The following MYH1 variants were observed in gnomAD, a reference collection of about 807,000 sequenced individuals.
MYH1 encodes myosin heavy chain 1, also known as myosin-1.
A neutral mutation model predicts 225.6 loss-of-function variants in MYH1; 214 were observed. The ratio of observed to expected loss-of-function variants is 0.95; its 90% confidence interval spans 0.85 to 1.06. MYH1 has a LOEUF of 1.06. MYH1 is among the 50% of genes least tolerant of loss of function. The pLI is 0.00. For missense variants in MYH1, 2,098 were observed against 2,344.2 expected, an observed-to-expected ratio of 0.89 and a Z score of 2.17; for synonymous variants, 774 against 842.3, an observed-to-expected ratio of 0.92 and a Z score of 1.40.
Position 10,495,111 on chromosome 17 carries a change from A to G in MYH1, c.5296-10T>C, listed in dbSNP as rs1031932648. ...CAGCCATCATGGCAGCCTAATTAGC[A>G]GTAAAACAGAATGGGTTAAGACAGC... On this transcript the variant is annotated splice_polypyrimidine_tract_variant and intron_variant, in intron 36 of 39. Coordinates refer to ENST00000226207, the MANE Select transcript of MYH1 (RefSeq NM_005963.4). 4.3e-6 allele frequency: 7 copies of G among 1,614,106 alleles called. No individual in the cohort carries two copies. The highest frequency in any genetic ancestry group is 8.5e-7 in the Non-Finnish European group (1 of 1,180,042).
rs1238509406 is a variant in MYH1 at position 10,500,663 on chromosome 17, G to A, written c.3828C>T (p.Asp1276=). 1.9e-6 allele frequency: 3 copies of A among 1,613,832 alleles called. No individual in the cohort carries two copies. Among genetic ancestry groups the A allele is most frequent in the Non-Finnish European group, 2.5e-6 (3 of 1,180,018 alleles). Residue 1276 remains aspartate (D), a synonymous_variant, in exon 28 of 40, where the codon GAC becomes GAT. Transcript: ENST00000226207. Reference sequence around the variant, plus strand: ...GCAGGCGCGCTCTCTGTGCTGTGAGGTCATTGATCAGCCGCTGCTGCTCCT... The same window carrying A: ...GCAGGCGCGCTCTCTGTGCTGTGAGATCATTGATCAGCCGCTGCTGCTCCT... ...KEEEQQRLIN[D]LTAQRARLQT...
chr17:10,502,937 T>C (rs879511198), intron 23 of MYH1, 23 bp from the exon 24 acceptor site: 3 of 1,614,186 alleles, frequency 1.9e-6, no homozygotes, highest in Non-Finnish European at 1.7e-6. Context: ...AGAAAGCAGC[T>C]TAGTTGCTCT....
At chr17:10,515,779 A>T in intron 5 of MYH1, 147 bp downstream of exon 5, 1 of 1,338,372 alleles carries the variant, frequency 7.5e-7, no homozygotes, top group Non-Finnish European at 1.0e-6. Flanking sequence ...GAGCTTTGAC[A>T]GTATATACTT....
intron 19 of MYH1, 100 bp from the exon 20 acceptor site, chr17:10,505,611 A>C: frequency 6.9e-7 from 1 of 1,457,976 alleles, no homozygotes; most frequent in East Asian, 2.4e-5. Flanking sequence ...AATCTGAAAT[A>C]AACAAGAAAT....
intron 33 of MYH1, 23 bp from the exon 34 acceptor site, chr17:10,496,572 A>T: frequency 6.2e-7 from 1 of 1,614,116 alleles, no homozygotes; most frequent in East Asian, 2.2e-5. Flanking sequence ...AAGAGGTGAC[A>T]TTAGTAGAGT....
At chr17:10,513,943 G>A (rs2073198909) in intron 7 of MYH1, 30 bp from the exon 8 acceptor site, 2 of 1,613,700 alleles carry the variant, frequency 1.2e-6, no homozygotes, top group Admixed American at 1.7e-5. Flanking sequence ...CCTTGCATCT[G>A]GGGCTTGGGA....
At position 10,511,997 on chromosome 17, in the gene MYH1, A is replaced by G; in HGVS notation, c.1267-9T>C. ...CCCACTGCATTGTACACCTTCACAG[A>G]TAAAGTTTGTTGGTGTTATTAAAGA... is the stretch of plus-strand genomic sequence containing the variant. On this transcript the variant is annotated splice_polypyrimidine_tract_variant and intron_variant, in intron 13 of 39. Coordinates refer to ENST00000226207, the MANE Select transcript of MYH1 (RefSeq NM_005963.4). 1 of 1,614,084 alleles carries G rather than the reference A, an allele frequency of 6.2e-7. No individual in the cohort carries two copies. Among genetic ancestry groups the G allele is most frequent in the South Asian group, 1.1e-5 (1 of 91,080 alleles).
chr17:10,503,243 A>G lies in MYH1; in HGVS notation c.2697T>C (p.Ala899=). 1.2e-6 allele frequency: 2 copies of G among 1,614,172 alleles called. No individual in the cohort carries two copies. Among genetic ancestry groups the G allele is most frequent in the Non-Finnish European group, 1.7e-6 (2 of 1,180,030 alleles). Residue 899 remains alanine (A), a synonymous_variant, in exon 23 of 40, where the codon GCT becomes GCC. Coordinates refer to ENST00000226207, the MANE Select transcript of MYH1 (RefSeq NM_005963.4). ...TTTCCTCTGCATCAGCCAAGCTGTC[A>G]GCTTCCTGAGAAGAGGCAATAGATA... ...NDLQLQVQAE[A]DSLADAEERC...
rs150821492 is a variant in MYH1 at position 10,504,990 on chromosome 17, A to AT, written c.2510dup (p.Tyr837Ter). Residue 837 changes from tyrosine (Y) to a stop codon, truncating the protein, a stop_gained and frameshift_variant, in exon 22 of 40, where the codon TAT (tyrosine) becomes TAAT (stop). Transcript: ENST00000226207. LOFTEE classifies it high-confidence loss of function. ...NVKHWPWMKL[Y>*]FKIKPLLKSA... ...TTTTGAGGAGGGGTTTGATCTTGAA[A>AT]TACAGCTTCATCCAGGGCCAGTGCT... The AT allele has an allele frequency of 6.6e-4, 1,060 of 1,614,160 alleles. 9 individuals are homozygous for AT. In the African/African-American group the frequency reaches 0.013, roughly 20 times the overall value.
Position 10,497,307 on chromosome 17 carries a change from C to G in MYH1, c.4511G>C (p.Arg1504Pro). ...CTCACGTTGCAAATTCTTATTTTCC[C>G]GTTTCAAGGTTTCAAGTTGGTCTAA... Reference protein sequence around the residue: ...ESLDQLETLKRENKNLQQEIS... With the variant: ...ESLDQLETLKPENKNLQQEIS... Residue 1504 changes from arginine (R) to proline (P), a missense_variant, in exon 32 of 40, where the codon CGG becomes CCG. Physicochemically the swap from Arg to Pro is moderately radical, Grantham distance 103. Coordinates refer to ENST00000226207, the MANE Select transcript of MYH1 (RefSeq NM_005963.4). 1 of 1,602,008 alleles carries G rather than the reference C, an allele frequency of 6.2e-7. No individual in the cohort carries two copies. The highest frequency in any genetic ancestry group is 8.5e-7 in the Non-Finnish European group (1 of 1,177,004).
At chr17:10,505,571 C>T in intron 19 of MYH1, 60 bp from the exon 20 acceptor site, 1 of 1,587,510 alleles carries the variant, frequency 6.3e-7, no homozygotes, top group Non-Finnish European at 8.6e-7. Flanking sequence ...ATCTTCCTGT[C>T]TGGCTATAGA....
In MYH1 at chr17:10,516,316, G is replaced by T. The variant is rs1390620766; in HGVS notation, c.231C>A (p.Val77=). 1.2e-6 allele frequency: 2 copies of T among 1,614,082 alleles called. No individual in the cohort carries two copies. Residue 77 remains valine, a synonymous_variant, in exon 4 of 40, where the codon GTC becomes GTA. Coordinates refer to ENST00000226207, the MANE Select transcript of MYH1 (RefSeq NM_005963.4). ...GATVTVKDDQ[V]FPMNPPKYDK... ...CATATTTGGGAGGGTTCATGGGGAA[G>T]ACTTGGTCATCTTTCACTGTTACAG...
chr17:10,498,313 G>T (rs2073017285), intron 30 of MYH1, among the ~76,000 whole-genome samples: 1 of 152,144 alleles, frequency 6.6e-6, no homozygotes, highest in Admixed American at 6.5e-5. Flanking sequence ...ATTCTTGTAG[G>T]CTGTCCAACA....
chr17:10,492,854 TTTTG>T (rs1555565571), intron 39 of MYH1, among the ~76,000 whole-genome samples: 2 of 151,878 alleles, frequency 1.3e-5, no homozygotes, highest in African/African-American at 4.8e-5. Flanking sequence ...TTGTTTTTTT[TTTTG>T]TTTGTTTGTT....
chr17:10,517,846 T>C (rs2073244450), intron 2 of MYH1, among the ~76,000 whole-genome samples: 1 of 152,244 alleles, frequency 6.6e-6, no homozygotes, highest in South Asian at 2.1e-4. Context: ...CTCTCATAGG[T>C]TTTTATATTT....
chr17:10,516,279 C>T lies in MYH1; in HGVS notation c.268G>A (p.Asp90Asn). The change falls in exon 4 of 40, where the codon GAC becomes AAC. Residue 90 changes from aspartate (D) to asparagine (N), a missense_variant. By Grantham distance (23) the Asp-to-Asn change is conservative. Transcript: ENST00000226207. ...MNPPKYDKIE[D>N]MAMMTHLHEP... ...TGTAGATGAGTCATCATGGCCATGT[C>T]CTCGATCTTGTCATATTTGGGAGGG... is the stretch of plus-strand genomic sequence containing the variant. The T allele has an allele frequency of 6.2e-7, 1 of 1,613,828 alleles. No individual in the cohort carries two copies.
intron 22 of MYH1, among the ~76,000 whole-genome samples, chr17:10,504,390 A>G (rs1277527887): frequency 6.6e-6 from 1 of 152,232 alleles, no homozygotes; most frequent in Non-Finnish European, 1.5e-5. Context: ...TTGAGCACAA[A>G]GTTGCTCGGG....
intron 28 of MYH1, among the ~76,000 whole-genome samples, chr17:10,500,422 G>A (rs548934160): frequency 6.6e-6 from 1 of 150,642 alleles, no homozygotes; most frequent in African/African-American, 2.4e-5. Flanking sequence ...GGATATATAT[G>A]TTTCATATAT....
At position 10,514,046 on chromosome 17, in the gene MYH1, C is replaced by A. The variant is rs776064241; in HGVS notation, c.612G>T (p.Glu204Asp). 5 of 1,614,208 alleles carry A rather than the reference C, an allele frequency of 3.1e-6. No individual in the cohort carries two copies. In the Admixed American group the frequency reaches 8.3e-5, roughly 27 times the overall value. The change falls in exon 7 of 40, where the codon GAG (glutamate) becomes GAT (aspartate). Residue 204 changes from glutamate (E) to aspartate (D), a missense_variant. Transcript: ENST00000226207. ...QYFATIAVTGEKKKEEVTSGK... is the reference protein window; with the variant it reads ...QYFATIAVTGDKKKEEVTSGK... Reference sequence around the variant, plus strand: ...CAGAAGTAACTTCTTCCTTCTTCTTCTCCCCAGTAACTGCAATTGTTGCAA... The same window carrying A: ...CAGAAGTAACTTCTTCCTTCTTCTTATCCCCAGTAACTGCAATTGTTGCAA...
Sources: allele counts gnomAD v4.1 joint callset (sites outside exome capture counted in the v4.1 genomes callset), GRCh38; gene constraint gnomAD v4.1.1; transcripts MANE v1.5; gene names NCBI Gene and HGNC (gene_info 2026-07-23, HGNC 2026-07-21).